MALRD1: variants seen among roughly 807,000 people sequenced by gnomAD.
MALRD1 encodes MAM and LDL receptor class A domain containing 1, also known as MAM and LDL-receptor class A domain-containing protein 1.
A neutral mutation model predicts 242.1 loss-of-function variants in MALRD1; 247 were observed. That is an observed-to-expected ratio of 1.02 (90% CI 0.92 to 1.13). MALRD1 has a LOEUF of 1.13. Among genes scored for constraint, MALRD1 ranks in the 50% most tolerant of loss-of-function variants. The pLI is 0.00. For missense variants in MALRD1, 2,989 were observed against 2,533.1 expected (o/e 1.18, Z -3.86); for synonymous variants, 995 against 866.6 (o/e 1.15, Z -2.60).
At chr10:19,727,369 G>A (rs1344914348) in intron 38 of MALRD1, among the ~76,000 whole-genome samples, 2 of 151,974 alleles carry the variant, frequency 1.3e-5, no homozygotes, top group Non-Finnish European at 2.9e-5. Flanking sequence ...CTAAAACAAT[G>A]TTGTCAGTTA....
chr10:19,423,749 C>T (rs904182763), intron 28 of MALRD1, among the ~76,000 whole-genome samples: 7 of 152,046 alleles, frequency 4.6e-5, no homozygotes, highest in African/African-American at 1.2e-4. Flanking sequence ...TGAAAAGAGA[C>T]GTGTAAAATT....
chr10:19,287,095 T>G (rs2131903900), intron 21 of MALRD1, among the ~76,000 whole-genome samples: 1 of 152,228 alleles, frequency 6.6e-6, no homozygotes, highest in African/African-American at 2.4e-5. Flanking sequence ...TGTAACAAAT[T>G]TTTATCACAG....
intron 4 of MALRD1, among the ~76,000 whole-genome samples, chr10:19,094,507 G>A (rs956377757): frequency 2.3e-4 from 34 of 150,326 alleles, no homozygotes; most frequent in Admixed American, 6.0e-4. Flanking sequence ...TCCCTAGTGA[G>A]ATGAACCCGG....
chr10:19,315,746 A>T lies in MALRD1; in HGVS notation c.3420-8203A>T, dbSNP rs977876502. 3.1e-3 allele frequency among the ~76,000 whole-genome samples: 439 copies of T among 139,756 alleles called. 3 individuals carry two copies. Among genetic ancestry groups the T allele is most frequent in the Non-Finnish European group, 5.5e-3 (363 of 65,794 alleles). The allele number at this position is 139,756 out of a possible 152,430, so 91.7% of individuals were successfully genotyped here. A position where few individuals can be genotyped will look rare whatever the true frequency, so the allele number is the denominator to read the frequency against. On this transcript the variant is annotated intron_variant, in intron 21 of 39. Coordinates refer to ENST00000454679, the MANE Select transcript of MALRD1 (RefSeq NM_001142308.3). ...CATATTATAATGTTATATAATATAT[A>T]TCTAATATGTAATATATATGTATAT...
In MALRD1 at chr10:19,136,660, C is replaced by G. The variant is rs764135803; in HGVS notation, c.1290C>G (p.Ser430=). 5.7e-6 allele frequency: 7 copies of G among 1,231,660 alleles called. No homozygotes were observed. Among genetic ancestry groups the G allele is most frequent in the Non-Finnish European group, 7.1e-6 (7 of 987,960 alleles). The allele number at this position is 1,231,660 out of a possible 1,614,324, so 76.3% of individuals were successfully genotyped here. The change falls in exon 10 of 40, where the codon TCC becomes TCG. Residue 430 remains serine (S), a synonymous_variant. Transcript: ENST00000454679. The part of the protein sequence containing the change: ...LWVYACGQTQ[S]RKLCSADEFP... The stretch of plus-strand genomic sequence containing the variant: ...TCTATGCCTGTGGACAGACCCAATC[C>G]AGAAAGCTTTGCTCTGCAGACGAAT...
chr10:19,268,665 C>T (rs1480010732), intron 19 of MALRD1, among the ~76,000 whole-genome samples: 1 of 152,026 alleles, frequency 6.6e-6, no homozygotes, highest in Non-Finnish European at 1.5e-5. Flanking sequence ...AATCATATGT[C>T]TAAAGTTGGT....
intron 29 of MALRD1, among the ~76,000 whole-genome samples, chr10:19,452,093 T>C (rs554529636): frequency 6.6e-6 from 1 of 152,342 alleles, no homozygotes; most frequent in African/African-American, 2.4e-5. Context: ...AGTAACTCAA[T>C]CTAGAAATGA....
At position 19,229,394 on chromosome 10, in the gene MALRD1, C is replaced by T. The variant is rs77104362; in HGVS notation, c.2991+19714C>T. Reference sequence around the variant, plus strand: ...CTTGTGTCCCACCAATATTTGATTACGTAGGCTTCTGTGAGTTCCATTTCG... The same window carrying T: ...CTTGTGTCCCACCAATATTTGATTATGTAGGCTTCTGTGAGTTCCATTTCG... On this transcript the variant is annotated intron_variant, in intron 18 of 39. Transcript: ENST00000454679. Among the ~76,000 whole-genome samples the T allele has an allele frequency of 0.017, 2,526 of 152,064 alleles. 103 individuals are homozygous for T. In the East Asian group the frequency reaches 0.18, roughly 11 times the overall value.
intron 29 of MALRD1, among the ~76,000 whole-genome samples, chr10:19,468,697 A>G (rs1282785377): frequency 6.6e-6 from 1 of 151,984 alleles, no homozygotes; most frequent in Non-Finnish European, 1.5e-5. Flanking sequence ...TGGGGGCCCT[A>G]CACCACCAAA....
chr10:19,722,690 TC>T (rs1834827733), intron 38 of MALRD1: 1 of 150,724 alleles, frequency 6.6e-6, no homozygotes, highest in South Asian at 2.1e-4. Flanking sequence ...TATACCAATG[TC>T]CTTTCATTTC....
intron 5 of MALRD1, among the ~76,000 whole-genome samples, chr10:19,106,603 G>A (rs1289133566): frequency 6.6e-6 from 1 of 151,240 alleles, no homozygotes; most frequent in Non-Finnish European, 1.5e-5. Flanking sequence ...TGTTGTCTTT[G>A]GTATTGCTTT....
At chr10:19,477,984 C>T (rs112654730) in intron 29 of MALRD1, among the ~76,000 whole-genome samples, 6 of 152,178 alleles carry the variant, frequency 3.9e-5, no homozygotes, top group African/African-American at 9.7e-5. Flanking sequence ...TGCCGGCATT[C>T]GCCTGTGCAA....
chr10:19,394,686 T>C (rs867587420), intron 28 of MALRD1, among the ~76,000 whole-genome samples: 1 of 152,186 alleles, frequency 6.6e-6, no homozygotes, highest in African/African-American at 2.4e-5. Context: ...ACAACACAGA[T>C]TGAGTATTCC....
rs749049876 is a variant in MALRD1, at chr10:19,191,269, T to C, written c.1952-12459T>C. ...CAAATCAAAACAATGAGATACCACC[T>C]TGCATCCATTAGATTACTACCCAAA... On this transcript the variant is annotated intron_variant, in intron 14 of 39. Coordinates refer to ENST00000454679, the MANE Select transcript of MALRD1 (RefSeq NM_001142308.3). Among the ~76,000 whole-genome samples, 75 of 152,196 alleles carry C rather than the reference T, an allele frequency of 4.9e-4. 2 individuals carry two copies. Among genetic ancestry groups the C allele is most frequent in the South Asian group, 1.2e-3 (6 of 4,826 alleles).
At chr10:19,284,521 G>A (rs1302705241) in intron 21 of MALRD1, among the ~76,000 whole-genome samples, 19 of 150,198 alleles carry the variant, frequency 1.3e-4, no homozygotes, top group South Asian at 2.1e-4. Context: ...TTGTTCTTGC[G>A]ATAGTTTACT....
In MALRD1 at chr10:19,049,128, G is replaced by T; in HGVS notation, c.190G>T (p.Glu64Ter). The stretch of plus-strand genomic sequence containing the variant: ...AGATCAGTGTGGGGATAGCAGTGAT[G>T]AACGGCACTGTAAGTGACATTCTCC... ...FTDQCGDSSD[E>*]RHCLNYERCD... Residue 64 changes from glutamate (E) to a stop codon, truncating the protein, a stop_gained, in exon 1 of 40, where the codon GAA becomes TAA. Transcript: ENST00000454679. LOFTEE classifies it high-confidence loss of function. The T allele has an allele frequency of 1.4e-5, 17 of 1,233,870 alleles. No homozygotes were observed. Among genetic ancestry groups the T allele is most frequent in the Non-Finnish European group, 1.7e-5 (17 of 988,134 alleles). 76.4% of individuals were successfully genotyped at this position (1,233,870 alleles called of 1,614,324 possible). A position where few individuals can be genotyped will look rare whatever the true frequency, so the allele number is the denominator to read the frequency against.
intron 38 of MALRD1, among the ~76,000 whole-genome samples, chr10:19,705,174 G>C (rs1235720657): frequency 6.6e-6 from 1 of 152,072 alleles, no homozygotes; most frequent in East Asian, 1.9e-4. Context: ...GTGAATCCTT[G>C]AAGGCAGAAG....
intron 2 of MALRD1, among the ~76,000 whole-genome samples, chr10:19,076,573 A>T (rs185149808): frequency 1.2e-3 from 184 of 152,116 alleles, no homozygotes; most frequent in African/African-American, 3.9e-3. Context: ...GAATTATCTT[A>T]ACACGGTCAA....
At chr10:19,613,155 G>T (rs1028551468) in intron 35 of MALRD1, among the ~76,000 whole-genome samples, 25 of 152,022 alleles carry the variant, frequency 1.6e-4, no homozygotes, top group Non-Finnish European at 2.1e-4. Flanking sequence ...TGTACCAGAA[G>T]CAATGATGTC....
Sources: gnomAD v4.1 joint callset for allele counts (sites outside exome capture counted in the v4.1 genomes callset) on GRCh38, gnomAD v4.1.1 for gene constraint, MANE v1.5 for transcripts, NCBI Gene and HGNC (gene_info 2026-07-23, HGNC 2026-07-21) for gene names.